ENOX1: variants seen among roughly 807,000 people sequenced by gnomAD.
ENOX1 encodes the protein ecto-NOX disulfide-thiol exchanger 1.
A neutral mutation model predicts 82.5 loss-of-function variants in ENOX1; 42 were observed. The observed-to-expected ratio is 0.51, with a 90% CI of 0.40 to 0.66. ENOX1 has a LOEUF of 0.66. Ranked by LOEUF, ENOX1 falls within the 30% of genes least tolerant of loss-of-function variation. The pLI is 0.00. For synonymous variants in ENOX1, 271 were observed against 282.2 expected, an observed-to-expected ratio of 0.96 and a Z score of 0.40; for missense variants, 608 against 811.6, an observed-to-expected ratio of 0.75 and a Z score of 3.05.
chr13:43,448,035 T>C (rs1393566904), intron 3 of ENOX1, among the ~76,000 whole-genome samples: 1 of 152,212 alleles, frequency 6.6e-6, no homozygotes. Context: ...AAGACAGTAA[T>C]ATTTATTGAA....
intron 2 of ENOX1, among the ~76,000 whole-genome samples, chr13:43,501,391 A>G (rs2076976282): frequency 6.6e-6 from 1 of 151,782 alleles, no homozygotes; most frequent in Non-Finnish European, 1.5e-5. Flanking sequence ...AGTCTTGAAT[A>G]ACACTATATA....
chr13:43,267,659 T>A, intron 13 of ENOX1, among the ~76,000 whole-genome samples: 1 of 152,178 alleles, frequency 6.6e-6, no homozygotes, highest in East Asian at 1.9e-4. Flanking sequence ...AGAGGTGTCA[T>A]CAGTGCACAT....
chr13:43,717,861 C>T (rs765988007), intron 1 of ENOX1, among the ~76,000 whole-genome samples: 10 of 151,998 alleles, frequency 6.6e-5, no homozygotes, highest in South Asian at 2.1e-4. Flanking sequence ...GTCAGAATGG[C>T]GATTATTAAA....
At chr13:43,327,617 A>T (rs1329778899) in intron 9 of ENOX1, among the ~76,000 whole-genome samples, 1 of 152,232 alleles carries the variant, frequency 6.6e-6, no homozygotes, top group Non-Finnish European at 1.5e-5. Context: ...CTTCTCAAGG[A>T]TTCTAACACC....
intron 11 of ENOX1, among the ~76,000 whole-genome samples, chr13:43,321,569 T>C (rs1051049929): frequency 9.2e-5 from 14 of 152,240 alleles, no homozygotes; most frequent in Non-Finnish European, 1.5e-5. Flanking sequence ...ACCTGCAATC[T>C]TTCTGTTAAA....
At chr13:43,575,972 GA>G in intron 2 of ENOX1, among the ~76,000 whole-genome samples, 1 of 152,298 alleles carries the variant, frequency 6.6e-6, no homozygotes, top group South Asian at 2.1e-4. Flanking sequence ...ACAACTAAAA[GA>G]ATGTACATTC....
intron 2 of ENOX1, among the ~76,000 whole-genome samples, chr13:43,567,206 C>T (rs1484891148): frequency 1.3e-5 from 2 of 151,994 alleles, no homozygotes; most frequent in Non-Finnish European, 2.9e-5. Context: ...GGGGTAAAAA[C>T]CACATAACCA....
chr13:43,229,847 T>C (rs1263742324), intron 15 of ENOX1, among the ~76,000 whole-genome samples: 1 of 152,142 alleles, frequency 6.6e-6, no homozygotes, highest in Non-Finnish European at 1.5e-5. Flanking sequence ...GACTATTTTC[T>C]CAGATGAGAA....
At chr13:43,361,527 G>A in intron 5 of ENOX1, 75 bp from the exon 6 acceptor site, 1 of 1,381,296 alleles carries the variant, frequency 7.2e-7, no homozygotes, top group Non-Finnish European at 9.9e-7. Flanking sequence ...ATTTTCCTGT[G>A]GATTATTTGA....
In ENOX1 at chr13:43,636,743, A is replaced by G. The variant is rs1458555342; in HGVS notation, c.-219+30736T>C. Reference sequence around the variant, plus strand: ...ATCCAGGAAGACAAGTCAGGAAGGAACAGTGCTAAGGAGAGGAGGAAATCA... The same window carrying G: ...ATCCAGGAAGACAAGTCAGGAAGGAGCAGTGCTAAGGAGAGGAGGAAATCA... On this transcript the variant is annotated intron_variant, in intron 2 of 16. Transcript: ENST00000690772. Among the ~76,000 whole-genome samples, 3 of 152,178 alleles carry G rather than the reference A, an allele frequency of 2.0e-5. No individual in the cohort carries two copies. The East Asian group carries it at 5.8e-4, about 29-fold the overall frequency.
At chr13:43,741,573 A>G (rs964988309) in intron 1 of ENOX1, among the ~76,000 whole-genome samples, 1 of 152,076 alleles carries the variant, frequency 6.6e-6, no homozygotes, top group Non-Finnish European at 1.5e-5. Flanking sequence ...ATCTTTGCCC[A>G]TTTTCGAATT....
chr13:43,512,472 A>G (rs1439227464), intron 2 of ENOX1, among the ~76,000 whole-genome samples: 29 of 152,198 alleles, frequency 1.9e-4, no homozygotes, highest in Admixed American at 1.9e-3. Flanking sequence ...ATTTTGAAAC[A>G]CTTTGCCAAT....
intron 3 of ENOX1, among the ~76,000 whole-genome samples, chr13:43,443,507 T>C (rs139210543): frequency 6.6e-6 from 1 of 152,236 alleles, no homozygotes; most frequent in African/African-American, 2.4e-5. Flanking sequence ...GAAGTCCCGA[T>C]GTACATCATC....
chr13:43,739,111 A>C (rs1325524290), intron 1 of ENOX1, among the ~76,000 whole-genome samples: 2 of 152,222 alleles, frequency 1.3e-5, no homozygotes, highest in East Asian at 1.9e-4. Flanking sequence ...CCATTTGTTC[A>C]CTAACAATCT....
At chr13:43,519,019 T>C (rs1338126776) in intron 2 of ENOX1, among the ~76,000 whole-genome samples, 1 of 152,184 alleles carries the variant, frequency 6.6e-6, no homozygotes, top group Non-Finnish European at 1.5e-5. Context: ...CAAGAGTCCT[T>C]AGCAAATCTT....
intron 1 of ENOX1, among the ~76,000 whole-genome samples, chr13:43,757,181 A>G (rs1040460665): frequency 6.6e-6 from 1 of 152,152 alleles, no homozygotes. Flanking sequence ...TGGTGGATTA[A>G]TTGCAAAATG....
intron 2 of ENOX1, among the ~76,000 whole-genome samples, chr13:43,630,843 A>G (rs1297577418): frequency 8.4e-5 from 6 of 71,156 alleles, no homozygotes; most frequent in Non-Finnish European, 2.5e-4. Flanking sequence ...AACCACACAC[A>G]CACATATATA....
intron 2 of ENOX1, among the ~76,000 whole-genome samples, chr13:43,600,930 T>C (rs1263096366): frequency 6.6e-6 from 1 of 152,156 alleles, no homozygotes; most frequent in East Asian, 1.9e-4. Flanking sequence ...ACCAACAAGG[T>C]GATAGCTCTC....
At chr13:43,253,937 C>T (rs2043603254) in intron 14 of ENOX1, among the ~76,000 whole-genome samples, 2 of 152,244 alleles carry the variant, frequency 1.3e-5, no homozygotes, top group South Asian at 2.1e-4. Context: ...GTAATTGAGC[C>T]CTCTAGGTTT....
Sources: gnomAD v4.1 joint callset for allele counts (sites outside exome capture counted in the v4.1 genomes callset) on GRCh38, gnomAD v4.1.1 for gene constraint, MANE v1.5 for transcripts, NCBI Gene and HGNC (gene_info 2026-07-23, HGNC 2026-07-21) for gene names.